The following EYS variants were observed in gnomAD, a reference collection of about 807,000 sequenced individuals.
EYS encodes protein eyes shut homolog.
A neutral mutation model predicts 282.1 loss-of-function variants in EYS; 250 were observed. The ratio of observed to expected loss-of-function variants is 0.89; its 90% CI spans 0.80 to 0.98. EYS has a LOEUF of 0.98. Among genes scored for constraint, EYS ranks in the 50% least tolerant of loss-of-function variants. The probability of loss-of-function intolerance (pLI) is 0.00; values close to 1 mark genes in which losing one functional copy is unlikely to be tolerated. For synonymous variants in EYS, 1,355 were observed against 1,282.9 expected (o/e 1.06, Z -1.20); for missense variants, 4,016 against 3,709.0 (o/e 1.08, Z -2.15).
At chr6:64,517,056 G>A (rs963587509) in intron 26 of EYS, among the ~76,000 whole-genome samples, 3 of 151,776 alleles carry the variant, frequency 2.0e-5, no homozygotes, top group East Asian at 3.9e-4. Context: ...TTGGAGAAAC[G>A]TTAAAAATAT....
chr6:64,898,939 G>A (rs1583274427), intron 18 of EYS, among the ~76,000 whole-genome samples: 1 of 151,936 alleles, frequency 6.6e-6, no homozygotes, highest in East Asian at 1.9e-4. Context: ...CAATACAGGA[G>A]CACCCAGATT....
At chr6:65,103,318 A>G (rs1273833633) in intron 12 of EYS, among the ~76,000 whole-genome samples, 2 of 151,642 alleles carry the variant, frequency 1.3e-5, no homozygotes, top group East Asian at 1.9e-4. Flanking sequence ...ATCTGGTGAG[A>G]AGACACAGTA....
chr6:64,028,231 C>CA (rs1769633472), intron 33 of EYS, among the ~76,000 whole-genome samples: 1 of 152,132 alleles, frequency 6.6e-6, no homozygotes, highest in South Asian at 2.1e-4. Flanking sequence ...TTTGGAAGGG[C>CA]AAAAAATGCC....
At chr6:64,060,144 C>A (rs945024410) in intron 33 of EYS, among the ~76,000 whole-genome samples, 1 of 152,122 alleles carries the variant, frequency 6.6e-6, no homozygotes, top group African/African-American at 2.4e-5. Flanking sequence ...TTTCCTGGCT[C>A]TAAGACTACC....
intron 8 of EYS, among the ~76,000 whole-genome samples, chr6:65,366,737 G>A (rs1420207583): frequency 6.6e-6 from 1 of 151,604 alleles, no homozygotes. Context: ...TCTGGAATCA[G>A]TCTTATTAAT....
intron 12 of EYS, among the ~76,000 whole-genome samples, chr6:65,196,264 C>T (rs1227876735): frequency 6.6e-6 from 1 of 151,912 alleles, no homozygotes; most frequent in East Asian, 1.9e-4. Context: ...ATAGGATTCA[C>T]TTAAGGAATA....
At chr6:65,615,710 A>G (rs1408848819) in intron 2 of EYS, among the ~76,000 whole-genome samples, 1 of 151,950 alleles carries the variant, frequency 6.6e-6, no homozygotes, top group Non-Finnish European at 1.5e-5. Context: ...CAAGGCGGGC[A>G]GATCATGAGG....
At chr6:64,380,843 C>T (rs972426746) in intron 29 of EYS, among the ~76,000 whole-genome samples, 1 of 151,828 alleles carries the variant, frequency 6.6e-6, no homozygotes, top group South Asian at 2.1e-4. Context: ...TGGCGAAACC[C>T]GTCTCTACTA....
In EYS at chr6:64,694,590, G is replaced by C. The variant is rs116003680; in HGVS notation, c.3444-68345C>G. 6.9e-3 allele frequency among the ~76,000 whole-genome samples: 1,057 copies of C among 152,226 alleles called. 4 individuals are homozygous for C. The highest frequency in any genetic ancestry group is 9.2e-3 in the Non-Finnish European group (628 of 68,022). ...CCATTCTTTATCCTTTAATTCATAG[G>C]TGACTGCACAGGAAGCTGCCAGCAA... On this transcript the variant is annotated intron_variant, in intron 22 of 42. Transcript: ENST00000503581.
chr6:65,173,960 C>A (rs779082959), intron 12 of EYS, among the ~76,000 whole-genome samples: 1 of 150,998 alleles, frequency 6.6e-6, no homozygotes, highest in Admixed American at 6.6e-5. Context: ...GTAATCACAA[C>A]GTATATATAG....
intron 31 of EYS, among the ~76,000 whole-genome samples, chr6:64,198,003 A>T (rs148277356): frequency 5.9e-4 from 89 of 149,656 alleles, no homozygotes; most frequent in Non-Finnish European, 8.2e-4. Flanking sequence ...TTATTTATTT[A>T]TTTTTTTGAG....
At chr6:65,693,990 C>T (rs1256127517) in intron 1 of EYS, among the ~76,000 whole-genome samples, 2 of 150,136 alleles carry the variant, frequency 1.3e-5, no homozygotes, top group African/African-American at 2.4e-5. Context: ...AATACAGAAC[C>T]CCCACAAGGA....
At chr6:64,352,095 G>T (rs1440407876) in intron 29 of EYS, among the ~76,000 whole-genome samples, 1 of 151,104 alleles carries the variant, frequency 6.6e-6, no homozygotes, top group Non-Finnish European at 1.5e-5. Flanking sequence ...AACAACCCAG[G>T]ACCAACACCA....
chr6:64,590,709 CTTGA>C lies in EYS; in HGVS notation c.5154_5157del (p.Asn1718LysfsTer30). 1 of 1,551,088 alleles carries C rather than the reference CTTGA, an allele frequency of 6.4e-7. No homozygotes were observed. The highest frequency in any genetic ancestry group is 8.7e-7 in the Non-Finnish European group (1 of 1,146,606). The stretch of plus-strand genomic sequence containing the variant: ...CTTTTTTCCATGTCCAATAAGCTCT[CTTGA>C]TTTAGTACCTCAGTGGGTCCCATAG... On this transcript the variant is annotated frameshift_variant, in exon 26 of 43. Transcript: ENST00000503581. LOFTEE classifies it high-confidence loss of function.
At chr6:64,906,212 T>C (rs1413686625) in intron 16 of EYS, among the ~76,000 whole-genome samples, 2 of 151,620 alleles carry the variant, frequency 1.3e-5, no homozygotes, top group Non-Finnish European at 2.9e-5. Context: ...GAAATATGAA[T>C]ATACAGAATT....
chr6:65,045,492 C>T (rs956071824), intron 13 of EYS, among the ~76,000 whole-genome samples: 3 of 151,708 alleles, frequency 2.0e-5, no homozygotes, highest in African/African-American at 7.3e-5. Context: ...GAAAACCTCT[C>T]GAATAATTTC....
chr6:64,298,184 T>TTTATAAAACAAAAAG (rs1362204490), intron 30 of EYS, among the ~76,000 whole-genome samples: 2 of 152,180 alleles, frequency 1.3e-5, no homozygotes, highest in African/African-American at 4.8e-5. Context: ...GTTAAATGGC[T>TTTATAAAACAAAAAG]TATAATGCAC....
chr6:65,173,665 C>T (rs184664551), intron 12 of EYS, among the ~76,000 whole-genome samples: 12 of 150,986 alleles, frequency 7.9e-5, no homozygotes. Context: ...GTAACAAAGA[C>T]ATTACTGAAT....
chr6:64,649,847 AT>A (rs1298351507), intron 22 of EYS, among the ~76,000 whole-genome samples: 1 of 152,166 alleles, frequency 6.6e-6, no homozygotes, highest in African/African-American at 2.4e-5. Context: ...TTATTAAGAA[AT>A]TTGATCTCAT....
Sources: allele counts gnomAD v4.1 joint callset (sites outside exome capture counted in the v4.1 genomes callset), GRCh38; gene constraint gnomAD v4.1.1; transcripts MANE v1.5; gene names NCBI Gene and HGNC (gene_info 2026-07-23, HGNC 2026-07-21).